Variants in HLF observed in about 807,000 individuals in gnomAD.
HLF encodes HLF transcription factor, PAR bZIP family member, also known as hepatic leukemia factor.
In HLF, 3 loss-of-function variants were observed where a neutral mutation model predicts 22.6. That is an observed-to-expected ratio of 0.13 (90% confidence interval 0.06 to 0.34). HLF has a LOEUF of 0.34. Ranked by LOEUF, HLF falls within the 10% of genes least tolerant of loss-of-function variation. The pLI, the probability that HLF is intolerant of heterozygous loss-of-function variation, is 1.00. For synonymous variants in HLF, 151 were observed against 151.8 expected, an observed-to-expected ratio of 0.99 and a Z score of 0.04; for missense variants, 299 against 389.2, an observed-to-expected ratio of 0.77 and a Z score of 1.95.
intron 2 of HLF, among the ~76,000 whole-genome samples, chr17:55,300,528 A>G (rs973073033): frequency 3.3e-5 from 5 of 152,220 alleles, no homozygotes; most frequent in African/African-American, 4.8e-5. Context: ...TGGATCCACA[A>G]TGAGACATTT....
intron 3 of HLF, among the ~76,000 whole-genome samples, chr17:55,315,909 G>GA (rs1905046974): frequency 6.6e-6 from 1 of 152,228 alleles, no homozygotes. Context: ...AACAGCCAGA[G>GA]ATAGGACCTT....
At chr17:55,273,957 G>A (rs893055635) in intron 2 of HLF, among the ~76,000 whole-genome samples, 1 of 152,156 alleles carries the variant, frequency 6.6e-6, no homozygotes, top group East Asian at 1.9e-4. Context: ...CTGCCCAGAG[G>A]CCCTGTCTTC....
At chr17:55,318,464 TAGAG>T (rs1367109601) in intron 3 of HLF, among the ~76,000 whole-genome samples, 1 of 152,100 alleles carries the variant, frequency 6.6e-6, no homozygotes, top group Non-Finnish European at 1.5e-5. Flanking sequence ...TCTAATAAGT[TAGAG>T]AGAAGTTGGT....
At chr17:55,269,362 C>T (rs2080830452) in intron 2 of HLF, among the ~76,000 whole-genome samples, 1 of 152,154 alleles carries the variant, frequency 6.6e-6, no homozygotes, top group South Asian at 2.1e-4. Context: ...GAAAACATGC[C>T]TTTATGTGAT....
chr17:55,322,744 C>T lies in HLF; in HGVS notation c.*1865C>T, dbSNP rs147446152. On this transcript the variant is annotated 3_prime_UTR_variant, in exon 4 of 4. Coordinates refer to ENST00000226067, the MANE Select transcript of HLF (RefSeq NM_002126.5). ...GCATCTGCCACAAAAATGTTCACTT[C>T]GAAATTCTGAGTTCCTGGAATGGCA... 118 of 223,638 alleles carry T rather than the reference C, an allele frequency of 5.3e-4. No individual in the cohort carries two copies. In the East Asian group the frequency reaches 6.9e-3, roughly 13 times the overall value. 13.9% of individuals were successfully genotyped at this position (223,638 alleles called of 1,614,324 possible).
chr17:55,297,213 C>G (rs1243781162), intron 2 of HLF, among the ~76,000 whole-genome samples: 4 of 152,124 alleles, frequency 2.6e-5, no homozygotes, highest in African/African-American at 9.7e-5. Context: ...CAACAAGGTA[C>G]CATCTAGGTT....
intron 2 of HLF, among the ~76,000 whole-genome samples, chr17:55,309,561 G>A (rs1003870843): frequency 3.9e-5 from 6 of 152,230 alleles, no homozygotes; most frequent in Non-Finnish European, 5.9e-5. Flanking sequence ...TGGTGATGAG[G>A]AGGAGGGCAG....
intron 2 of HLF, among the ~76,000 whole-genome samples, chr17:55,311,901 A>G (rs1904846806): frequency 6.6e-6 from 1 of 152,148 alleles, no homozygotes; most frequent in Non-Finnish European, 1.5e-5. Flanking sequence ...TTTAGTTCCT[A>G]CTTAGAAGTG....
chr17:55,299,341 G>C (rs796275201), intron 2 of HLF, among the ~76,000 whole-genome samples: 6 of 152,266 alleles, frequency 3.9e-5, no homozygotes, highest in African/African-American at 1.4e-4. Flanking sequence ...CTGTGGTGCC[G>C]ATCGTAGGCT....
intron 2 of HLF, among the ~76,000 whole-genome samples, chr17:55,311,230 A>G (rs1904813308): frequency 6.6e-6 from 1 of 152,218 alleles, no homozygotes; most frequent in Non-Finnish European, 1.5e-5. Flanking sequence ...ACCAGTAACA[A>G]GGGAAATGGA....
intron 3 of HLF, among the ~76,000 whole-genome samples, chr17:55,318,586 C>G (rs1240297283): frequency 2.0e-5 from 3 of 152,120 alleles, no homozygotes; most frequent in Non-Finnish European, 4.4e-5. Flanking sequence ...ATTCCTCCCC[C>G]ATCACATACA....
intron 2 of HLF, among the ~76,000 whole-genome samples, chr17:55,270,773 G>A (rs2080846325): frequency 1.4e-5 from 2 of 148,052 alleles, no homozygotes; most frequent in Non-Finnish European, 3.0e-5. Context: ...CCATTCTCCT[G>A]TCTCAGCCTC....
At chr17:55,271,870 C>T (rs1347395749) in intron 2 of HLF, 2 of 152,180 alleles carry the variant, frequency 1.3e-5, no homozygotes, top group Non-Finnish European at 2.9e-5. Flanking sequence ...CATGACTGCC[C>T]CAACCCCTTT....
intron 2 of HLF, among the ~76,000 whole-genome samples, chr17:55,309,341 G>A (rs572959555): frequency 7.9e-5 from 12 of 152,302 alleles, no homozygotes; most frequent in Non-Finnish European, 1.3e-4. Context: ...AGCACTCTTC[G>A]TTGACCTTAT....
At chr17:55,317,256 C>T (rs375726785) in intron 3 of HLF, among the ~76,000 whole-genome samples, 7 of 152,052 alleles carry the variant, frequency 4.6e-5, no homozygotes, top group South Asian at 2.1e-4. Flanking sequence ...TGTAAGCCAC[C>T]GCGCCCGGCC....
chr17:55,267,614 C>G lies in HLF; in HGVS notation c.116-137C>G, dbSNP rs1598384546. ...GCCTGAACTTTTAACTCTAGATCTA[C>G]AAAAGACAGCAGCCAGAGAAGGACC... On this transcript the variant is annotated intron_variant, in intron 1 of 3. Coordinates refer to ENST00000226067, the MANE Select transcript of HLF (RefSeq NM_002126.5). 4 of 612,860 alleles carry G rather than the reference C, an allele frequency of 6.5e-6. No individual in the cohort carries two copies. The South Asian group carries it at 8.9e-5, about 14-fold the overall frequency. 38.0% of individuals were successfully genotyped at this position (612,860 alleles called of 1,614,324 possible). A position where few individuals can be genotyped will look rare whatever the true frequency, so the allele number is the denominator to read the frequency against.
chr17:55,316,323 C>T (rs1371766849), intron 3 of HLF, among the ~76,000 whole-genome samples: 1 of 152,150 alleles, frequency 6.6e-6, no homozygotes, highest in Non-Finnish European at 1.5e-5. Context: ...CATAATTAGC[C>T]CTTTTCTACT....
intron 2 of HLF, among the ~76,000 whole-genome samples, chr17:55,297,641 C>G (rs1166516827): frequency 6.6e-6 from 1 of 151,604 alleles, no homozygotes; most frequent in East Asian, 1.9e-4. Flanking sequence ...CTGTGTTCCT[C>G]TGTCCCCTGA....
chr17:55,294,968 T>C (rs1422585052), intron 2 of HLF, among the ~76,000 whole-genome samples: 1 of 152,210 alleles, frequency 6.6e-6, no homozygotes, highest in African/African-American at 2.4e-5. Context: ...GATGTTTGTT[T>C]TGGAGTGCAT....
Sources: allele counts gnomAD v4.1 joint callset (sites outside exome capture counted in the v4.1 genomes callset), GRCh38; gene constraint gnomAD v4.1.1; transcripts MANE v1.5; gene names NCBI Gene and HGNC (gene_info 2026-07-23, HGNC 2026-07-21).